The following EEA1 variants were observed in gnomAD, a reference collection of about 807,000 sequenced individuals.
EEA1 encodes the protein early endosome antigen 1, 162kD.
A neutral mutation model predicts 209.2 loss-of-function variants in EEA1; 111 were observed. The ratio of observed to expected loss-of-function variants is 0.53; its 90% CI spans 0.45 to 0.62. The LOEUF (loss-of-function observed/expected upper bound fraction) is 0.62. EEA1 is among the 20% of genes least tolerant of loss of function. The pLI is 0.00. For missense variants in EEA1, 1,343 were observed against 1,530.8 expected (o/e 0.88, Z 2.05); for synonymous variants, 536 against 540.6 (o/e 0.99, Z 0.12).
chr12:92,865,630 T>A (rs576472259), intron 2 of EEA1, among the ~76,000 whole-genome samples: 1 of 152,256 alleles, frequency 6.6e-6, no homozygotes. Flanking sequence ...TTAAAGATGC[T>A]GATAAAGATC....
chr12:92,774,311 A>G lies in EEA1; in HGVS notation c.*1700T>C, dbSNP rs1285975536. 2 of 151,548 alleles carry G rather than the reference A, an allele frequency of 1.3e-5. No homozygotes were observed. Among genetic ancestry groups the G allele is most frequent in the Non-Finnish European group, 3.0e-5 (2 of 67,562 alleles). 9.4% of individuals were successfully genotyped at this position (151,548 alleles called of 1,614,324 possible). On this transcript the variant is annotated 3_prime_UTR_variant, in exon 29 of 29. Transcript: ENST00000322349. ...TCAATGTTCTTAATAGCTAATGACA[A>G]CAGGGTTTACTTAAATTTTTTTTTA...
chr12:92,853,883 A>T (rs1877745432), intron 6 of EEA1, 32 bp downstream of exon 6: 6 of 1,583,706 alleles, frequency 3.8e-6, no homozygotes, highest in Non-Finnish European at 5.1e-6. Flanking sequence ...GAAAAAGAAA[A>T]CTGACAAAAT....
chr12:92,833,092 T>C (rs1876734783), intron 10 of EEA1, among the ~76,000 whole-genome samples: 1 of 149,284 alleles, frequency 6.7e-6, no homozygotes, highest in Non-Finnish European at 1.5e-5. Flanking sequence ...AATGTTGACA[T>C]AAAAAAAAAA....
chr12:92,821,432 A>G (rs954137614), intron 13 of EEA1, among the ~76,000 whole-genome samples: 5 of 152,074 alleles, frequency 3.3e-5, no homozygotes, highest in Admixed American at 2.0e-4. Context: ...TTTCAACCAC[A>G]TTGTCCATTT....
intron 3 of EEA1, chr12:92,858,469 T>C (rs1877985927): frequency 7.9e-6 from 9 of 1,143,400 alleles, no homozygotes; most frequent in Admixed American, 5.1e-5. Flanking sequence ...GAAGAAGACA[T>C]TGGTGTTGGA....
At chr12:92,820,977 CG>C (rs1162462269) in intron 13 of EEA1, 1 of 152,056 alleles carries the variant, frequency 6.6e-6, no homozygotes, top group African/African-American at 2.4e-5. Context: ...GTGAAAGCTT[CG>C]TGCTGCTCTG....
chr12:92,852,774 T>C (rs1877686455), intron 7 of EEA1, 138 bp downstream of exon 7: 3 of 545,480 alleles, frequency 5.5e-6, no homozygotes, highest in Non-Finnish European at 6.2e-6. Flanking sequence ...TCTGAAATCA[T>C]TAAATTCCAT....
chr12:92,806,684 A>T (rs1032722207), intron 18 of EEA1, among the ~76,000 whole-genome samples: 6 of 152,242 alleles, frequency 3.9e-5, no homozygotes, highest in African/African-American at 1.2e-4. Flanking sequence ...AGAATACTAC[A>T]GACCAATACC....
chr12:92,803,113 C>T (rs1252188301), intron 18 of EEA1, among the ~76,000 whole-genome samples: 1 of 151,968 alleles, frequency 6.6e-6, no homozygotes, highest in Non-Finnish European at 1.5e-5. Flanking sequence ...GTTAGTTCTC[C>T]AACACAGAGA....
chr12:92,906,736 C>T (rs969828149), intron 1 of EEA1, among the ~76,000 whole-genome samples: 24 of 152,176 alleles, frequency 1.6e-4, no homozygotes, highest in Non-Finnish European at 3.5e-4. Flanking sequence ...ATGGCATGAA[C>T]CCAGGAGGTG....
At chr12:92,819,593 T>A (rs1875953121) in intron 13 of EEA1, 82 bp from the exon 14 acceptor site, 1 of 986,244 alleles carries the variant, frequency 1.0e-6, no homozygotes, top group Non-Finnish European at 1.5e-6. Flanking sequence ...TAATAATAAA[T>A]TCTATCACTC....
chr12:92,840,053 C>T (rs1462334915), intron 10 of EEA1, among the ~76,000 whole-genome samples: 1 of 152,186 alleles, frequency 6.6e-6, no homozygotes, highest in Non-Finnish European at 1.5e-5. Flanking sequence ...CAAGCTCATA[C>T]ACATGGCTGT....
intron 21 of EEA1, among the ~76,000 whole-genome samples, chr12:92,792,970 G>C (rs1874481095): frequency 6.6e-6 from 1 of 152,180 alleles, no homozygotes; most frequent in South Asian, 2.1e-4. Context: ...ATGCAATGCT[G>C]GTTCAACATA....
intron 17 of EEA1, 40 bp downstream of exon 17, chr12:92,811,239 A>C (rs1003553426): frequency 6.8e-6 from 9 of 1,320,462 alleles, no homozygotes; most frequent in Admixed American, 2.8e-5. Flanking sequence ...TTGCTACTGA[A>C]GTAGAAAATA....
chr12:92,835,853 G>A (rs561048456), intron 10 of EEA1, among the ~76,000 whole-genome samples: 15 of 152,134 alleles, frequency 9.9e-5, no homozygotes, highest in South Asian at 6.2e-4. Context: ...TAAAAGTACC[G>A]AAACCACTTT....
chr12:92,813,187 TAA>T lies in EEA1; in HGVS notation c.1930-96_1930-95del, dbSNP rs954592803. 8 of 732,386 alleles carry T rather than the reference TAA, an allele frequency of 1.1e-5. No homozygotes were observed. The African/African-American group carries it at 1.4e-4, about 13-fold the overall frequency. The allele number at this position is 732,386 out of a possible 1,614,324, so 45.4% of individuals were successfully genotyped here. On this transcript the variant is annotated intron_variant, in intron 15 of 28. Coordinates refer to ENST00000322349, the MANE Select transcript of EEA1 (RefSeq NM_003566.4). ...TCCTTTTGTGACTAAACAAACTATT[TAA>T]AAATTAAGTCCTTGGCAAAAACATA...
intron 25 of EEA1, among the ~76,000 whole-genome samples, 187 bp downstream of exon 25, chr12:92,778,928 T>G (rs949115270): frequency 7.2e-5 from 11 of 152,074 alleles, no homozygotes; most frequent in African/African-American, 2.7e-4. Context: ...AAAACAGAAT[T>G]ATGGTTACAG....
At chr12:92,806,780 T>G (rs1875226075) in intron 18 of EEA1, among the ~76,000 whole-genome samples, 1 of 152,170 alleles carries the variant, frequency 6.6e-6, no homozygotes, top group African/African-American at 2.4e-5. Context: ...CATGGTCAAG[T>G]TAATTTATCC....
chr12:92,843,126 C>T (rs184284012), intron 9 of EEA1, among the ~76,000 whole-genome samples: 5 of 152,116 alleles, frequency 3.3e-5, no homozygotes, highest in Admixed American at 3.3e-4. Context: ...CAGGTATAAC[C>T]GTCAGGCATG....
Sources: allele counts gnomAD v4.1 joint callset (sites outside exome capture counted in the v4.1 genomes callset), GRCh38; gene constraint gnomAD v4.1.1; transcripts MANE v1.5; gene names NCBI Gene and HGNC (gene_info 2026-07-23, HGNC 2026-07-21).